The following AUTS2 variants were observed in gnomAD, a reference collection of about 807,000 sequenced individuals.
AUTS2 encodes autism susceptibility gene 2 protein.
AUTS2 carries 17 observed loss-of-function variants against 112.4 expected under a neutral mutation model. The ratio of observed to expected loss-of-function variants is 0.15; its 90% CI spans 0.10 to 0.23. The LOEUF is 0.23. AUTS2 is among the 10% of genes least tolerant of loss of function. AUTS2 has a pLI of 1.00. For missense variants in AUTS2, 1,510 were observed against 1,701.6 expected (o/e 0.89, Z 1.98); for synonymous variants, 751 against 702.7 (o/e 1.07, Z -1.09).
intron 2 of AUTS2, among the ~76,000 whole-genome samples, chr7:69,942,672 G>A (rs1401981319): frequency 6.6e-6 from 1 of 152,206 alleles, no homozygotes; most frequent in African/African-American, 2.4e-5. Context: ...CATCCATGGA[G>A]TAAGCTGCAT....
At chr7:70,645,333 G>A (rs60652270) in intron 5 of AUTS2, among the ~76,000 whole-genome samples, 2 of 150,994 alleles carry the variant, frequency 1.3e-5, no homozygotes, top group South Asian at 4.2e-4. Flanking sequence ...CTCATTCCCC[G>A]CCAAACATTT....
chr7:70,413,425 G>T lies in AUTS2; in HGVS notation c.661-22327G>T, dbSNP rs145129457. 1.8e-3 allele frequency among the ~76,000 whole-genome samples: 275 copies of T among 152,246 alleles called. 1 individual carries two copies. Among genetic ancestry groups the T allele is most frequent in the African/African-American group, 6.3e-3 (263 of 41,534 alleles). On this transcript the variant is annotated intron_variant, in intron 4 of 18. Coordinates refer to ENST00000342771, the MANE Select transcript of AUTS2 (RefSeq NM_015570.4). ...TTTAGGGACCTGGGTGAAAAGTCCT[G>T]GGGAGTCAGAAGCTCTGTGAAAACA...
At chr7:69,794,045 T>C (rs1008551524) in intron 1 of AUTS2, among the ~76,000 whole-genome samples, 1 of 152,078 alleles carries the variant, frequency 6.6e-6, no homozygotes, top group Non-Finnish European at 1.5e-5. Flanking sequence ...TTAGGTAGGA[T>C]TGGATTAAAA....
chr7:70,685,472 C>CAAAAAAAAAAAAAAAA (rs34403837), intron 5 of AUTS2, among the ~76,000 whole-genome samples: 2 of 65,972 alleles, frequency 3.0e-5, no homozygotes, highest in Non-Finnish European at 6.5e-5. Context: ...GACTCTGTCT[C>CAAAAAAAAAAAAAAAA]AAAAAAAAAA....
chr7:70,156,955 T>C (rs531981979), intron 4 of AUTS2, among the ~76,000 whole-genome samples: 51 of 135,240 alleles, frequency 3.8e-4, no homozygotes, highest in African/African-American at 1.4e-3. Context: ...CAGGCACCTG[T>C]AGTCCCAGCT....
At chr7:70,646,805 G>C (rs572720720) in intron 5 of AUTS2, among the ~76,000 whole-genome samples, 332 of 152,342 alleles carry the variant, frequency 2.2e-3, no homozygotes, top group African/African-American at 7.7e-3. Flanking sequence ...CAGGGCAGCA[G>C]GGCTGGCCCA....
chr7:70,734,262 A>G (rs1245339563), intron 6 of AUTS2, among the ~76,000 whole-genome samples: 2 of 151,830 alleles, frequency 1.3e-5, no homozygotes, highest in South Asian at 2.1e-4. Flanking sequence ...ACACAGTGAA[A>G]CCCCGTCTCT....
At chr7:70,411,397 G>T (rs1794769620) in intron 4 of AUTS2, among the ~76,000 whole-genome samples, 1 of 152,088 alleles carries the variant, frequency 6.6e-6, no homozygotes, top group African/African-American at 2.4e-5. Flanking sequence ...CTCAAGACAG[G>T]TAAATCCACA....
chr7:69,946,361 CA>C (rs905550530), intron 2 of AUTS2, among the ~76,000 whole-genome samples: 1 of 151,994 alleles, frequency 6.6e-6, no homozygotes, highest in Non-Finnish European at 1.5e-5. Context: ...AGAAGTTCCT[CA>C]AAAAATTAAA....
Position 70,791,267 on chromosome 7 carries a change from G to C in AUTS2, c.*271G>C. On this transcript the variant is annotated 3_prime_UTR_variant, in exon 19 of 19. Transcript: ENST00000342771. Reference sequence around the variant, plus strand: ...ACTTTTTGATTTGAACCAAAACAGTGAAGATGACAACACACACCAATTGGA... The same window carrying C: ...ACTTTTTGATTTGAACCAAAACAGTCAAGATGACAACACACACCAATTGGA... 1 of 191,362 alleles carries C rather than the reference G, an allele frequency of 5.2e-6. No homozygotes were observed. Among genetic ancestry groups the C allele is most frequent in the Non-Finnish European group, 9.9e-6 (1 of 100,790 alleles). The allele number at this position is 191,362 out of a possible 1,614,324, so 11.9% of individuals were successfully genotyped here. A position where few individuals can be genotyped will look rare whatever the true frequency, so the allele number is the denominator to read the frequency against.
chr7:70,501,064 T>G (rs1380175259), intron 5 of AUTS2, among the ~76,000 whole-genome samples: 1 of 152,210 alleles, frequency 6.6e-6, no homozygotes, highest in Non-Finnish European at 1.5e-5. Context: ...GACAATAATT[T>G]GAGATATGAG....
chr7:70,745,380 G>A (rs1329349426), intron 6 of AUTS2, among the ~76,000 whole-genome samples: 1 of 152,126 alleles, frequency 6.6e-6, no homozygotes. Flanking sequence ...AGTGTTTTAA[G>A]TTACCTGCTG....
chr7:70,470,595 G>A (rs147304139), intron 5 of AUTS2, among the ~76,000 whole-genome samples: 202 of 152,292 alleles, frequency 1.3e-3, no homozygotes, highest in African/African-American at 4.7e-3. Flanking sequence ...GGACGTGTAT[G>A]TAAACTGAGG....
At chr7:70,499,188 T>C (rs1195042973) in intron 5 of AUTS2, among the ~76,000 whole-genome samples, 2 of 152,180 alleles carry the variant, frequency 1.3e-5, no homozygotes, top group East Asian at 1.9e-4. Flanking sequence ...GTGTGATGCA[T>C]GTGTCCGCAG....
At chr7:70,484,300 A>G (rs1446921573) in intron 5 of AUTS2, among the ~76,000 whole-genome samples, 2 of 152,102 alleles carry the variant, frequency 1.3e-5, no homozygotes, top group Non-Finnish European at 2.9e-5. Context: ...TCTCTACTCT[A>G]CTTACCCTCG....
intron 1 of AUTS2, among the ~76,000 whole-genome samples, chr7:69,778,887 A>G (rs1789015300): frequency 6.6e-6 from 1 of 152,026 alleles, no homozygotes; most frequent in Non-Finnish European, 1.5e-5. Context: ...TAACAAGCTT[A>G]GATGTGTGTG....
intron 1 of AUTS2, among the ~76,000 whole-genome samples, chr7:69,836,758 C>T (rs998505294): frequency 1.3e-5 from 2 of 152,060 alleles, no homozygotes; most frequent in Non-Finnish European, 2.9e-5. Context: ...ATTTGCACGC[C>T]TAAAAAAATT....
At chr7:70,658,082 C>T (rs1806869005) in intron 5 of AUTS2, among the ~76,000 whole-genome samples, 1 of 152,228 alleles carries the variant, frequency 6.6e-6, no homozygotes, top group Non-Finnish European at 1.5e-5. Flanking sequence ...TCTGCCAAAG[C>T]AGATATGAGA....
rs537557415 is a variant in AUTS2, at chr7:69,977,717, A to G, written c.522+78219A>G. ...CTTTTCTGATTCTTTGGCTAAAGAC[A>G]ACAAACTTTTCTAGGGGCTTGTTTT... is the stretch of plus-strand genomic sequence containing the variant. On this transcript the variant is annotated intron_variant, in intron 2 of 18. Transcript: ENST00000342771. 7.9e-5 allele frequency among the ~76,000 whole-genome samples: 12 copies of G among 152,306 alleles called. No individual in the cohort carries two copies. In the South Asian group the frequency reaches 2.5e-3, roughly 32 times the overall value.
Sources: allele counts gnomAD v4.1 joint callset (sites outside exome capture counted in the v4.1 genomes callset), GRCh38; gene constraint gnomAD v4.1.1; transcripts MANE v1.5; gene names NCBI Gene and HGNC (gene_info 2026-07-23, HGNC 2026-07-21).